Variants in ATP2C1 observed in about 807,000 individuals in gnomAD.
ATP2C1 encodes calcium-transporting ATPase type 2C member 1.
A neutral mutation model predicts 120.5 loss-of-function variants in ATP2C1; 31 were observed. The observed-to-expected ratio is 0.26, with a 90% confidence interval of 0.19 to 0.35. The LOEUF (loss-of-function observed/expected upper bound fraction) is 0.35, where lower values mean the gene tolerates loss of function less well. ATP2C1 is among the 10% of genes least tolerant of loss of function. ATP2C1 has a pLI of 1.00. For synonymous variants in ATP2C1, 351 were observed against 358.7 expected, an observed-to-expected ratio of 0.98 and a Z score of 0.24; for missense variants, 731 against 1,107.5, an observed-to-expected ratio of 0.66 and a Z score of 4.83.
downstream of ATP2C1, among the ~76,000 whole-genome samples, chr3:131,005,012 A>AG (rs1240036008): frequency 6.6e-6 from 1 of 152,032 alleles, no homozygotes; most frequent in Non-Finnish European, 1.5e-5. Flanking sequence ...AGACTGAAAT[A>AG]GGGAGACCAA....
At chr3:131,003,518 A>G (rs1212504691), downstream of ATP2C1, among the ~76,000 whole-genome samples, 1 of 152,222 alleles carries the variant, frequency 6.6e-6, no homozygotes, top group Non-Finnish European at 1.5e-5. Context: ...AGAACTTAAA[A>G]TAATTCACTG....
In ATP2C1 at chr3:130,965,062, TAAAAACAAAC is replaced by T; in HGVS notation, c.1122+25_1122+34del. 1 of 1,572,076 alleles carries T rather than the reference TAAAAACAAAC, an allele frequency of 6.4e-7. No individual in the cohort carries two copies. Among genetic ancestry groups the T allele is most frequent in the Non-Finnish European group, 8.7e-7 (1 of 1,142,882 alleles). On this transcript the variant is annotated intron_variant, in intron 14 of 27. Transcript: ENST00000510168. ...CATGCTGAGGTACTCTATAGGTTTT[TAAAAACAAAC>T]AAAAACAGTATCCCTTTAAGAAACT...
At chr3:130,902,309 T>TG (rs1238867887) in intron 2 of ATP2C1, among the ~76,000 whole-genome samples, 2 of 79,864 alleles carry the variant, frequency 2.5e-5, no homozygotes, top group African/African-American at 7.1e-5. Flanking sequence ...TTTTTTTTTT[T>TG]TTTTTTTTTT....
At chr3:130,967,679 G>A (rs1005226686) in intron 16 of ATP2C1, among the ~76,000 whole-genome samples, 3 of 151,926 alleles carry the variant, frequency 2.0e-5, no homozygotes, top group Admixed American at 6.6e-5. Context: ...AAATGTTCCT[G>A]TCTTCCACAA....
intron 2 of ATP2C1, among the ~76,000 whole-genome samples, chr3:130,908,291 C>T (rs1434448039): frequency 6.6e-6 from 1 of 151,848 alleles, no homozygotes; most frequent in Non-Finnish European, 1.5e-5. Flanking sequence ...TTTGTAATAC[C>T]AAAAGACAGG....
intron 17 of ATP2C1, among the ~76,000 whole-genome samples, chr3:130,970,810 C>T (rs1331260685): frequency 6.6e-6 from 1 of 152,032 alleles, no homozygotes; most frequent in Non-Finnish European, 1.5e-5. Context: ...CTATAGAAAA[C>T]AGGAATGAAG....
rs979518237 is a variant in ATP2C1, at chr3:130,969,488, A to G, written c.1413+92A>G. 8 of 926,028 alleles carry G rather than the reference A, an allele frequency of 8.6e-6. 1 individual carries two copies. The highest frequency in any genetic ancestry group is 2.4e-4 in the Middle Eastern group (1 of 4,140). 57.4% of individuals were successfully genotyped at this position (926,028 alleles called of 1,614,324 possible). A position where few individuals can be genotyped will look rare whatever the true frequency, so the allele number is the denominator to read the frequency against. ...CCACCTTTGGGTTTAGTCATTGTACATAATAAAGACTTGTTGCTTTAAAGT... is the reference window on the plus strand; with the variant it reads ...CCACCTTTGGGTTTAGTCATTGTACGTAATAAAGACTTGTTGCTTTAAAGT... On this transcript the variant is annotated intron_variant, in intron 17 of 27. Transcript: ENST00000510168.
chr3:131,015,480 C>T (rs1009288100), intron 26 of ATP2C1, among the ~76,000 whole-genome samples: 2 of 152,220 alleles, frequency 1.3e-5, no homozygotes, highest in African/African-American at 4.8e-5. Context: ...CCAGCTTAAA[C>T]TCCACAGACA....
chr3:130,880,155 C>T (rs190745347), intron 1 of ATP2C1, among the ~76,000 whole-genome samples: 1 of 152,188 alleles, frequency 6.6e-6, no homozygotes, highest in African/African-American at 2.4e-5. Context: ...GTTCCCTTTA[C>T]TCACCTCAAA....
In ATP2C1 at chr3:130,959,358, T is replaced by C. The variant is rs765874093; in HGVS notation, c.899+17T>C. Reference sequence around the variant, plus strand: ...TAGTGTAAGGTAAGTCTCAATACTTTATAATTGGAGTCTCTTTTGCCTCTT... The same window carrying C: ...TAGTGTAAGGTAAGTCTCAATACTTCATAATTGGAGTCTCTTTTGCCTCTT... On this transcript the variant is annotated intron_variant, in intron 12 of 27. Transcript: ENST00000510168. 11 of 1,559,798 alleles carry C rather than the reference T, an allele frequency of 7.1e-6. 1 individual carries two copies. Among genetic ancestry groups the C allele is most frequent in the South Asian group, 4.5e-5 (4 of 89,846 alleles).
At chr3:130,933,683 A>T (rs927535140) in intron 4 of ATP2C1, among the ~76,000 whole-genome samples, 15 of 152,192 alleles carry the variant, frequency 9.9e-5, no homozygotes, top group African/African-American at 3.6e-4. Context: ...GGGAGTGCTT[A>T]AAAAATGCTA....
intron 12 of ATP2C1, chr3:130,963,406 T>C: frequency 6.3e-6 from 1 of 158,744 alleles, no homozygotes; most frequent in Non-Finnish European, 1.4e-5. Flanking sequence ...AATGATATAA[T>C]ATGGGACCTT....
At chr3:130,996,566 C>T (rs954043845) in intron 23 of ATP2C1, 114 bp from the exon 24 acceptor site, 14 of 782,738 alleles carry the variant, frequency 1.8e-5, no homozygotes, top group Non-Finnish European at 2.7e-5. Context: ...TTACTTGAAA[C>T]AGTCTTCCTT....
intron 2 of ATP2C1, among the ~76,000 whole-genome samples, chr3:130,909,953 G>A (rs2058316339): frequency 6.6e-6 from 1 of 152,090 alleles, no homozygotes; most frequent in Non-Finnish European, 1.5e-5. Flanking sequence ...TGATCCTGCT[G>A]CCTTGGCCTC....
chr3:130,987,699 T>A (rs894384861), intron 20 of ATP2C1, among the ~76,000 whole-genome samples: 1 of 152,246 alleles, frequency 6.6e-6, no homozygotes, highest in East Asian at 1.9e-4. Context: ...ACAGACCTTT[T>A]GTTCTAAATC....
rs766034532 is a variant in ATP2C1 at position 130,932,150 on chromosome 3, T to G, written c.234+12T>G. 1.4e-6 allele frequency: 2 copies of G among 1,430,712 alleles called. No homozygotes were observed. The highest frequency in any genetic ancestry group is 2.0e-6 in the Non-Finnish European group (2 of 1,013,110). The allele number at this position is 1,430,712 out of a possible 1,614,324, so 88.6% of individuals were successfully genotyped here. A position where few individuals can be genotyped will look rare whatever the true frequency, so the allele number is the denominator to read the frequency against. Reference sequence around the variant, plus strand: ...AGTATATTTCTCAGGTGAGATACTTTTACTTCCTCTTCTACTGTGTAATTT... The same window carrying G: ...AGTATATTTCTCAGGTGAGATACTTGTACTTCCTCTTCTACTGTGTAATTT... On this transcript the variant is annotated intron_variant, in intron 4 of 27. Transcript: ENST00000510168.
chr3:130,856,647 A>G (rs367659635), intron 1 of ATP2C1, among the ~76,000 whole-genome samples: 70 of 152,290 alleles, frequency 4.6e-4, no homozygotes, highest in Admixed American at 1.6e-3. Context: ...CCTTAGCCCC[A>G]TGCTTATGAT....
chr3:130,958,470 G>T (rs996996425), intron 11 of ATP2C1, among the ~76,000 whole-genome samples: 1 of 151,844 alleles, frequency 6.6e-6, no homozygotes, highest in Non-Finnish European at 1.5e-5. Flanking sequence ...TAGTATTTGG[G>T]ATAGGATCTT....
chr3:131,005,297 C>T (rs1213914645), downstream of ATP2C1, among the ~76,000 whole-genome samples: 1 of 151,250 alleles, frequency 6.6e-6, no homozygotes, highest in Non-Finnish European at 1.5e-5. Context: ...TTTGTATTTT[C>T]GGTAGAGGCA....
Sources: allele counts gnomAD v4.1 joint callset (sites outside exome capture counted in the v4.1 genomes callset), GRCh38; gene constraint gnomAD v4.1.1; transcripts MANE v1.5; gene names NCBI Gene and HGNC (gene_info 2026-07-23, HGNC 2026-07-21).